ENTPD1: variants seen among roughly 807,000 people sequenced by gnomAD.
The protein encoded by ENTPD1 is ectonucleoside triphosphate diphosphohydrolase 1, also known as ATP diphosphohydrolase.
ENTPD1 carries 33 observed loss-of-function variants against 57.0 expected under a neutral mutation model. The ratio of observed to expected loss-of-function variants is 0.58; its 90% CI spans 0.44 to 0.77. The LOEUF (loss-of-function observed/expected upper bound fraction) is 0.77, where lower values mean the gene tolerates loss of function less well. ENTPD1 is among the 30% of genes least tolerant of loss of function. ENTPD1 has a pLI of 0.00. For missense variants in ENTPD1, 501 were observed against 603.4 expected (o/e 0.83, Z 1.78); for synonymous variants, 202 against 218.8 (o/e 0.92, Z 0.68).
intron 1 of ENTPD1, among the ~76,000 whole-genome samples, chr10:95,778,546 A>G (rs2140161615): frequency 6.6e-6 from 1 of 152,342 alleles, no homozygotes; most frequent in South Asian, 2.1e-4. Context: ...ACTGTTGGCT[A>G]GAATGCAATG....
intron 1 of ENTPD1, among the ~76,000 whole-genome samples, chr10:95,722,485 TG>T (rs1029300356): frequency 5.3e-5 from 8 of 152,142 alleles, no homozygotes; most frequent in African/African-American, 1.9e-4. Flanking sequence ...GATGAGTTCA[TG>T]TCCTTTGTAG....
chr10:95,700,456 G>C, the ENTPD1 span, among the ~76,000 whole-genome samples: 2 of 152,136 alleles, frequency 1.3e-5, no homozygotes, highest in African/African-American at 4.8e-5. Context: ...ATCGCTTGAG[G>C]CTGGAGGATC....
chr10:95,756,063 G>T, upstream of ENTPD1: 1 of 1,491,700 alleles, frequency 6.7e-7, no homozygotes. Context: ...CAATGAAAAA[G>T]ACAGGGTTTG....
intron 6 of ENTPD1, among the ~76,000 whole-genome samples, chr10:95,846,574 C>T (rs12244606): frequency 0.022 from 3,290 of 152,216 alleles, 109 homozygotes; most frequent in African/African-American, 0.074. Context: ...AAAACCACTA[C>T]CAATAAGATG....
chr10:95,777,150 CT>C (rs2098137210), intron 1 of ENTPD1, among the ~76,000 whole-genome samples: 1 of 152,218 alleles, frequency 6.6e-6, no homozygotes, highest in Admixed American at 6.5e-5. Context: ...CAAAGTCATT[CT>C]CCATCCAGCT....
In ENTPD1 at chr10:95,867,664, G is replaced by A. The variant is rs560925812; in HGVS notation, c.*1281G>A. 2 of 985,466 alleles carry A rather than the reference G, an allele frequency of 2.0e-6. No individual in the cohort carries two copies. The highest frequency in any genetic ancestry group is 3.5e-5 in the African/African-American group (2 of 57,354). The allele number at this position is 985,466 out of a possible 1,614,324, so 61.0% of individuals were successfully genotyped here. On this transcript the variant is annotated 3_prime_UTR_variant, in exon 10 of 10. Transcript: ENST00000371205. ...AGACCTTACCATGGAAACATGAAGA[G>A]ACCCTGCACCCCTTTCCTTAAGGAT...
At chr10:95,776,154 G>T (rs189566770) in intron 1 of ENTPD1, among the ~76,000 whole-genome samples, 47 of 152,242 alleles carry the variant, frequency 3.1e-4, no homozygotes, top group African/African-American at 1.1e-3. Context: ...GGTTCATATT[G>T]TTATGTGTGA....
At chr10:95,809,658 T>C (rs1458725147) in intron 1 of ENTPD1, among the ~76,000 whole-genome samples, 4 of 99,300 alleles carry the variant, frequency 4.0e-5, no homozygotes, top group African/African-American at 8.1e-5. Context: ...GCAGAGGTGC[T>C]CCCCACCTCC....
chr10:95,808,935 A>C (rs1376135699), intron 1 of ENTPD1, among the ~76,000 whole-genome samples: 1 of 152,106 alleles, frequency 6.6e-6, no homozygotes, highest in Non-Finnish European at 1.5e-5. Flanking sequence ...CTTAACTAGC[A>C]TGCTGCCTTC....
At chr10:95,802,054 G>C (rs866787009) in intron 1 of ENTPD1, among the ~76,000 whole-genome samples, 4 of 152,126 alleles carry the variant, frequency 2.6e-5, no homozygotes, top group Non-Finnish European at 5.9e-5. Context: ...CAGCCCTCGG[G>C]AGGTCCTGAG....
At chr10:95,776,394 A>G (rs2098134141) in intron 1 of ENTPD1, among the ~76,000 whole-genome samples, 2 of 152,170 alleles carry the variant, frequency 1.3e-5, no homozygotes, top group South Asian at 4.1e-4. Flanking sequence ...TCCTTCACTT[A>G]TGAAGCTTAG....
chr10:95,866,877 A>G lies in ENTPD1; in HGVS notation c.*494A>G. On this transcript the variant is annotated 3_prime_UTR_variant, in exon 10 of 10. Coordinates refer to ENST00000371205, the MANE Select transcript of ENTPD1 (RefSeq NM_001776.6). ...GAAGGCAGACACACATTCCATTCCC[A>G]GCCTGCTCTGTGGGTAGGAGAATTT... 1 of 1,027,604 alleles carries G rather than the reference A, an allele frequency of 9.7e-7. No homozygotes were observed. Among genetic ancestry groups the G allele is most frequent in the Non-Finnish European group, 1.2e-6 (1 of 854,764 alleles). The allele number at this position is 1,027,604 out of a possible 1,614,324, so 63.7% of individuals were successfully genotyped here.
Position 95,845,487 on chromosome 10 carries a change from A to G in ENTPD1, c.704A>G (p.Asn235Ser), listed in dbSNP as rs2098433371. 2 of 1,614,100 alleles carry G rather than the reference A, an allele frequency of 1.2e-6. No individual in the cohort carries two copies. The highest frequency in any genetic ancestry group is 1.3e-5 in the African/African-American group (1 of 74,928). Residue 235 changes from asparagine (N) to serine (S), a missense_variant, in exon 6 of 10, where the codon AAT becomes AGT. By Grantham distance (46) the Asn-to-Ser change is conservative (BLOSUM62 1). Coordinates refer to ENST00000371205, the MANE Select transcript of ENTPD1 (RefSeq NM_001776.6). ...PQNQTIESPD[N>S]ALQFRLYGKD... ...AACCAGACTATCGAGTCCCCAGATA[A>G]TGCTCTGCAATTTCGCCTCTATGGC...
At chr10:95,735,025 A>AT (rs376795429) in intron 1 of ENTPD1, among the ~76,000 whole-genome samples, 2,536 of 126,736 alleles carry the variant, frequency 0.02, 42 homozygotes, top group South Asian at 0.052. Flanking sequence ...ATGAAAATAG[A>AT]TTTTTTTTTT....
chr10:95,755,030 C>T (rs903608785), upstream of ENTPD1: 10 of 152,146 alleles, frequency 6.6e-5, no homozygotes, highest in African/African-American at 2.4e-4. Flanking sequence ...AATTTACATG[C>T]CAGACAAGCA....
At chr10:95,832,550 G>A (rs538646497) in intron 2 of ENTPD1, among the ~76,000 whole-genome samples, 81 of 152,284 alleles carry the variant, frequency 5.3e-4, no homozygotes, top group African/African-American at 1.8e-3. Context: ...CTGGCAGTTA[G>A]TGGTTGTCAG....
At chr10:95,823,145 C>T in intron 1 of ENTPD1, 92 bp from the exon 2 acceptor site, 2 of 1,496,338 alleles carry the variant, frequency 1.3e-6, no homozygotes, top group Non-Finnish European at 1.9e-6. Flanking sequence ...CTGATGTCTC[C>T]AGGTAGCCAT....
Position 95,875,049 on chromosome 10 carries a change from G to A in ENTPD1, c.*8666G>A, listed in dbSNP as rs2098484381. 6.6e-6 allele frequency: 1 copy of A among 152,336 alleles called. No homozygotes were observed. The highest frequency in any genetic ancestry group is 1.9e-4 in the East Asian group (1 of 5,182). The allele number at this position is 152,336 out of a possible 1,614,324, so 9.4% of individuals were successfully genotyped here. On this transcript the variant is annotated 3_prime_UTR_variant, in exon 10 of 10. Transcript: ENST00000371205. Reference sequence around the variant, plus strand: ...GGGCTGCCATGAAGGTCTCTGACATGACCTGGAGACATTTTCCCCATGGTC... The same window carrying A: ...GGGCTGCCATGAAGGTCTCTGACATAACCTGGAGACATTTTCCCCATGGTC...
intron 1 of ENTPD1, among the ~76,000 whole-genome samples, chr10:95,790,557 A>G (rs908195335): frequency 2.6e-5 from 4 of 152,090 alleles, no homozygotes; most frequent in African/African-American, 9.7e-5. Context: ...AATATAATAA[A>G]CCACTGTATA....
Sources: gnomAD v4.1 joint callset for allele counts (sites outside exome capture counted in the v4.1 genomes callset) on GRCh38, gnomAD v4.1.1 for gene constraint, MANE v1.5 for transcripts, NCBI Gene and HGNC (gene_info 2026-07-23, HGNC 2026-07-21) for gene names.